LAMA2: variants seen among roughly 807,000 people sequenced by gnomAD.
LAMA2 encodes the protein laminin subunit alpha-2.
Under a neutral mutation model 364.8 loss-of-function variants are expected in LAMA2, and 269 were observed. The observed-to-expected ratio is 0.74, with a 90% CI of 0.67 to 0.82. The LOEUF is 0.82. LAMA2 is among the 40% of genes least tolerant of loss of function. The pLI, the probability that LAMA2 is intolerant of heterozygous loss-of-function variation, is 0.00. For synonymous variants in LAMA2, 1,379 were observed against 1,370.6 expected (o/e 1.01, Z -0.14); for missense variants, 3,807 against 3,873.2 (o/e 0.98, Z 0.45).
In LAMA2 at chr6:129,300,798, C is replaced by T. The variant is rs1773501159; in HGVS notation, c.3100C>T (p.Pro1034Ser). The T allele has an allele frequency of 1.9e-6, 3 of 1,613,388 alleles. No individual in the cohort carries two copies. The highest frequency in any genetic ancestry group is 2.2e-5 in the South Asian group (2 of 91,070). ...AAAGACTGGGCGATGCATTTGCCCT[C>T]CCAATACCATTGGAGAGAAATGTTC... ...DPKTGRCICP[P>S]NTIGEKCSKC... is the part of the protein sequence containing the mutation. Residue 1034 changes from proline to serine, a missense_variant, in exon 22 of 65, where the codon CCC (proline) becomes TCC (serine). Physicochemically the swap from Pro to Ser is moderately conservative, Grantham distance 74 (BLOSUM62 -1). This residue lies in a region of LAMA2 where 3,333 missense variants were observed against 3,345.7 expected (regional missense o/e 1.00). Transcript: ENST00000421865.
intron 1 of LAMA2, among the ~76,000 whole-genome samples, chr6:128,944,918 A>G (rs1780399413): frequency 6.6e-6 from 1 of 152,148 alleles, no homozygotes; most frequent in Admixed American, 6.6e-5. Flanking sequence ...ATCAGCCCCT[A>G]TTCTCCAATC....
intron 1 of LAMA2, among the ~76,000 whole-genome samples, chr6:129,017,748 T>G (rs1254235749): frequency 6.6e-6 from 1 of 152,056 alleles, no homozygotes; most frequent in East Asian, 1.9e-4. Context: ...GTCTTCATAT[T>G]GATGAAGTGT....
rs147216290 is a variant in LAMA2, at chr6:129,200,274, G to GTA, written c.1782+7430_1782+7431dup. ...TATATACGTGTACACATATACATGT[G>GTA]TATATATATACGTGTACACATATAC... On this transcript the variant is annotated intron_variant, in intron 12 of 64. Coordinates refer to ENST00000421865, the MANE Select transcript of LAMA2 (RefSeq NM_000426.4). Among the ~76,000 whole-genome samples the GTA allele has an allele frequency of 4.8e-3, 410 of 86,178 alleles. 68 individuals are homozygous for GTA. The highest frequency in any genetic ancestry group is 0.02 in the African/African-American group (378 of 18,442). 56.5% of individuals were successfully genotyped at this position (86,178 alleles called of 152,430 possible). A position where few individuals can be genotyped will look rare whatever the true frequency, so the allele number is the denominator to read the frequency against.
At chr6:129,182,327 G>A (rs554535066) in intron 10 of LAMA2, among the ~76,000 whole-genome samples, 1 of 151,090 alleles carries the variant, frequency 6.6e-6, no homozygotes, top group Non-Finnish European at 1.5e-5. Flanking sequence ...AGGGCAATAT[G>A]GTATTATCTA....
chr6:129,069,423 T>C (rs7749949), intron 3 of LAMA2, among the ~76,000 whole-genome samples: 2,017 of 148,300 alleles, frequency 0.014, 35 homozygotes, highest in African/African-American at 0.038. Context: ...AATTATATTA[T>C]TTATTTAAAA....
chr6:129,043,056 A>G (rs1787216326), intron 1 of LAMA2, among the ~76,000 whole-genome samples: 1 of 152,154 alleles, frequency 6.6e-6, no homozygotes, highest in East Asian at 1.9e-4. Flanking sequence ...AAGGACTTTT[A>G]TATTTATTAA....
At chr6:128,980,571 G>A (rs934609265) in intron 1 of LAMA2, among the ~76,000 whole-genome samples, 5 of 152,148 alleles carry the variant, frequency 3.3e-5, no homozygotes, top group Non-Finnish European at 7.4e-5. Context: ...GGAAACTGAT[G>A]TTTATTGAGC....
intron 1 of LAMA2, among the ~76,000 whole-genome samples, chr6:128,943,269 C>CACACAGAGAGAGAGAGAG (rs1365657711): frequency 7.0e-6 from 1 of 143,082 alleles, no homozygotes; most frequent in African/African-American, 2.6e-5. Flanking sequence ...TATATATACA[C>CACACAGAGAGAGAGAGAG]AGAGAGAGAG....
chr6:129,460,544 G>T (rs1166673856), intron 49 of LAMA2, among the ~76,000 whole-genome samples: 1 of 152,042 alleles, frequency 6.6e-6, no homozygotes, highest in Non-Finnish European at 1.5e-5. Flanking sequence ...CAGTACATTT[G>T]CATAGTCATA....
chr6:128,997,344 AAG>A (rs1784027354), intron 1 of LAMA2, among the ~76,000 whole-genome samples: 2 of 107,128 alleles, frequency 1.9e-5, no homozygotes, highest in Admixed American at 1.8e-4. Flanking sequence ...AAGAGAAAGA[AAG>A]AAAGAAAGAA....
intron 10 of LAMA2, among the ~76,000 whole-genome samples, chr6:129,187,931 C>T (rs527438770): frequency 4.6e-5 from 7 of 151,926 alleles, no homozygotes; most frequent in African/African-American, 1.7e-4. Context: ...AAAATGAATT[C>T]TTGTTCCCAA....
intron 1 of LAMA2, among the ~76,000 whole-genome samples, chr6:128,943,411 G>A (rs1030605637): frequency 6.6e-6 from 1 of 151,816 alleles, no homozygotes; most frequent in African/African-American, 2.4e-5. Context: ...AGCCTTCTGA[G>A]TGGCTGGGAC....
intron 16 of LAMA2, 57 bp downstream of exon 16, chr6:129,267,276 A>T (rs1338501490): frequency 9.6e-6 from 11 of 1,147,602 alleles, no homozygotes; most frequent in Non-Finnish European, 1.5e-5. Flanking sequence ...ACCTCGACAG[A>T]TGCTACAATT....
intron 20 of LAMA2, among the ~76,000 whole-genome samples, chr6:129,296,011 G>A (rs1236088779): frequency 6.6e-6 from 1 of 151,676 alleles, no homozygotes; most frequent in Non-Finnish European, 1.5e-5. Flanking sequence ...AATTTACATA[G>A]TATTTATATA....
At chr6:129,071,228 CATCTTTTAA>C (rs1347217815) in intron 3 of LAMA2, among the ~76,000 whole-genome samples, 1 of 152,114 alleles carries the variant, frequency 6.6e-6, no homozygotes, top group African/African-American at 2.4e-5. Context: ...GTGATATTAT[CATCTTTTAA>C]TTTACAATGA....
intron 1 of LAMA2, among the ~76,000 whole-genome samples, chr6:128,945,820 C>T (rs1402322320): frequency 1.3e-5 from 2 of 152,140 alleles, no homozygotes; most frequent in African/African-American, 4.8e-5. Flanking sequence ...GACATCATTC[C>T]CATGATTAGG....
chr6:129,245,666 G>GT, intron 12 of LAMA2, among the ~76,000 whole-genome samples: 1 of 152,224 alleles, frequency 6.6e-6, no homozygotes, highest in South Asian at 2.1e-4. Context: ...AGTTCTCCCT[G>GT]TTTGGAATCT....
At chr6:128,982,866 G>T (rs1346518711) in intron 1 of LAMA2, among the ~76,000 whole-genome samples, 3 of 149,452 alleles carry the variant, frequency 2.0e-5, no homozygotes, top group South Asian at 4.2e-4. Flanking sequence ...GCGGTGTTTG[G>T]TTTTTTGTCC....
intron 56 of LAMA2, among the ~76,000 whole-genome samples, chr6:129,489,474 G>A (rs571027253): frequency 3.9e-5 from 6 of 152,204 alleles, no homozygotes; most frequent in African/African-American, 4.8e-5. Context: ...CCTGGCATCC[G>A]CCTTGGTGGC....
Sources: allele counts gnomAD v4.1 joint callset (sites outside exome capture counted in the v4.1 genomes callset), GRCh38; gene constraint gnomAD v4.1.1; regional missense constraint gnomAD v4.1.1; transcripts MANE v1.5; gene names NCBI Gene and HGNC (gene_info 2026-07-23, HGNC 2026-07-21).